Variants in SIRPA observed in about 807,000 individuals in gnomAD.
SIRPA encodes the protein tyrosine-protein phosphatase non-receptor type substrate 1.
SIRPA carries 9 observed loss-of-function variants against 50.3 expected under a neutral mutation model. The observed-to-expected ratio is 0.18, with a 90% CI of 0.11 to 0.31. SIRPA has a LOEUF of 0.31. Ranked by LOEUF, SIRPA falls within the 10% of genes least tolerant of loss-of-function variation. SIRPA has a pLI of 1.00. For synonymous variants in SIRPA, 265 were observed against 284.1 expected, an observed-to-expected ratio of 0.93 and a Z score of 0.68; for missense variants, 474 against 661.6, an observed-to-expected ratio of 0.72 and a Z score of 3.11.
rs1246841507 is a variant in SIRPA at position 1,895,535 on chromosome 20, C to T, written c.79+9C>T. 1 of 1,441,174 alleles carries T rather than the reference C, an allele frequency of 6.9e-7. No homozygotes were observed. Among genetic ancestry groups the T allele is most frequent in the Non-Finnish European group, 9.1e-7 (1 of 1,098,400 alleles). 89.3% of individuals were successfully genotyped at this position (1,441,174 alleles called of 1,614,324 possible). A position where few individuals can be genotyped will look rare whatever the true frequency, so the allele number is the denominator to read the frequency against. ...GTCCTGCGCCTGGTCAGGTAAGCACCCCCCCGCTCCCCACCGCTGCACTCC... is the reference window on the plus strand; with the variant it reads ...GTCCTGCGCCTGGTCAGGTAAGCACTCCCCCGCTCCCCACCGCTGCACTCC... On this transcript the variant is annotated intron_variant, in intron 1 of 7. Coordinates refer to ENST00000358771, the MANE Select transcript of SIRPA (RefSeq NM_001040023.2).
chr20:1,922,136 C>T (rs1160312331), intron 3 of SIRPA, among the ~76,000 whole-genome samples, 177 bp from the exon 4 acceptor site: 4 of 152,122 alleles, frequency 2.6e-5, no homozygotes, highest in Non-Finnish European at 4.4e-5. Context: ...GTGTGCTGGG[C>T]GTTGTGCTTA....
At chr20:1,911,971 A>C (rs932221400) in intron 1 of SIRPA, among the ~76,000 whole-genome samples, 1 of 151,770 alleles carries the variant, frequency 6.6e-6, no homozygotes, top group Non-Finnish European at 1.5e-5. Context: ...ACCCCTCTCT[A>C]CTGGAAAAAA....
chr20:1,937,263 G>A lies in SIRPA; in HGVS notation c.1267-57G>A. ...CTTGGTATTCAGTTTGAGTGAGTGGGCCAGGGGCTATAGAATGACCTTCTC... is the reference window on the plus strand; with the variant it reads ...CTTGGTATTCAGTTTGAGTGAGTGGACCAGGGGCTATAGAATGACCTTCTC... On this transcript the variant is annotated intron_variant, in intron 7 of 7. Transcript: ENST00000358771. The surrounding 1 kb of genome is among the most constrained non-coding windows in gnomAD (Gnocchi z 8.3). The A allele has an allele frequency of 6.4e-7, 1 of 1,574,088 alleles. No homozygotes were observed. The highest frequency in any genetic ancestry group is 1.2e-5 in the South Asian group (1 of 84,842).
At chr20:1,910,632 G>A (rs1397132695) in intron 1 of SIRPA, among the ~76,000 whole-genome samples, 1 of 152,148 alleles carries the variant, frequency 6.6e-6, no homozygotes, top group Non-Finnish European at 1.5e-5. Context: ...CTGGAGGAGA[G>A]GTTCATTTAA....
At chr20:1,913,372 C>T (rs1985020159) in intron 1 of SIRPA, among the ~76,000 whole-genome samples, 1 of 152,222 alleles carries the variant, frequency 6.6e-6, no homozygotes, top group African/African-American at 2.4e-5. Flanking sequence ...GTCTGTGAGC[C>T]TCTTTCCCTG....
Position 1,924,374 on chromosome 20 carries a change from T to C in SIRPA, c.1088-390T>C, listed in dbSNP as rs1985849336. 6.6e-6 allele frequency among the ~76,000 whole-genome samples: 1 copy of C among 152,222 alleles called. No homozygotes were observed. On this transcript the variant is annotated intron_variant, in intron 4 of 7. Transcript: ENST00000358771. This position sits in a 1 kb window ranked among gnomAD's most constrained non-coding sequence, Gnocchi z 4.5. ...GCTGTGCAGAGCCTGCTGGCCGCACTGCCCTTCTTCCAGCTGCTGATTCAG... is the reference window on the plus strand; with the variant it reads ...GCTGTGCAGAGCCTGCTGGCCGCACCGCCCTTCTTCCAGCTGCTGATTCAG...
intron 3 of SIRPA, 99 bp from the exon 4 acceptor site, chr20:1,922,214 T>C: frequency 6.8e-7 from 1 of 1,467,054 alleles, no homozygotes; most frequent in South Asian, 1.2e-5. Context: ...AGCTCTGTCC[T>C]GGTGATGACC....
intron 1 of SIRPA, among the ~76,000 whole-genome samples, chr20:1,903,251 A>G (rs1473262983): frequency 6.6e-6 from 1 of 152,142 alleles, no homozygotes; most frequent in Admixed American, 6.5e-5. Context: ...AGCACCTAAC[A>G]TGGAGCATGT....
In SIRPA at chr20:1,927,978, C is replaced by A; in HGVS notation, c.1226+79C>A. ...AGCCCCCCAGACTACAAAGCATAAT[C>A]CATGTCCACTGACCTCACCAATGTG... On this transcript the variant is annotated intron_variant, in intron 6 of 7. Transcript: ENST00000358771. This position sits in a 1 kb window ranked among gnomAD's most constrained non-coding sequence, Gnocchi z 6.5. 8.2e-7 allele frequency: 1 copy of A among 1,217,598 alleles called. No individual in the cohort carries two copies. The highest frequency in any genetic ancestry group is 1.2e-6 in the Non-Finnish European group (1 of 818,114). The allele number at this position is 1,217,598 out of a possible 1,614,324, so 75.4% of individuals were successfully genotyped here. A position where few individuals can be genotyped will look rare whatever the true frequency, so the allele number is the denominator to read the frequency against.
intron 1 of SIRPA, among the ~76,000 whole-genome samples, chr20:1,911,838 G>C (rs1413218844): frequency 1.3e-5 from 2 of 151,806 alleles, no homozygotes; most frequent in Non-Finnish European, 2.9e-5. Flanking sequence ...GCAAGAGAAA[G>C]CAGGAAATAA....
rs1241286702 is a variant in SIRPA, at chr20:1,927,457, C to T, written c.1202-418C>T. On this transcript the variant is annotated intron_variant, in intron 5 of 7. Transcript: ENST00000358771. The surrounding 1 kb of genome is among the most constrained non-coding windows in gnomAD (Gnocchi z 6.5). The stretch of plus-strand genomic sequence containing the variant: ...CATGGTGAGTGAGTGGGTAGCAGAC[C>T]CGGGGTTCACACATGATCCCCGATT... Among the ~76,000 whole-genome samples, 1 of 152,062 alleles carries T rather than the reference C, an allele frequency of 6.6e-6. No homozygotes were observed. The highest frequency in any genetic ancestry group is 1.9e-4 in the East Asian group (1 of 5,190).
chr20:1,910,359 C>A (rs1053151276), intron 1 of SIRPA, among the ~76,000 whole-genome samples: 2 of 152,020 alleles, frequency 1.3e-5, no homozygotes, highest in African/African-American at 4.8e-5. Context: ...TAACTTTTTT[C>A]CAAAACCAAT....
intron 7 of SIRPA, among the ~76,000 whole-genome samples, chr20:1,935,204 G>T (rs1986509942): frequency 6.6e-6 from 1 of 152,200 alleles, no homozygotes. Context: ...TTTGCTGATG[G>T]AAAGACCCCA....
intron 5 of SIRPA, among the ~76,000 whole-genome samples, chr20:1,925,179 C>A (rs1985907395): frequency 6.6e-6 from 1 of 152,218 alleles, no homozygotes; most frequent in Non-Finnish European, 1.5e-5. Flanking sequence ...CTCTTCTTAC[C>A]TGTCTCAGGG....
At chr20:1,920,980 G>A (rs892145601) in intron 2 of SIRPA, among the ~76,000 whole-genome samples, 2 of 152,224 alleles carry the variant, frequency 1.3e-5, no homozygotes, top group African/African-American at 2.4e-5. Flanking sequence ...GTGATGCCAC[G>A]TTGCTGCTTA....
In SIRPA at chr20:1,921,465, C is replaced by G. The variant is rs1344907668; in HGVS notation, c.507C>G (p.Thr169=). The stretch of plus-strand genomic sequence containing the variant: ...CACCTCAGCACACAGTGAGCTTCAC[C>G]TGCGAGTCCCACGGCTTCTCACCCA... ...RATPQHTVSF[T]CESHGFSPRD... is the part of the protein sequence containing the mutation. Residue 169 remains threonine, a synonymous_variant, in exon 3 of 8, where the codon ACC becomes ACG. Transcript: ENST00000358771. 6.2e-7 allele frequency: 1 copy of G among 1,613,828 alleles called. No homozygotes were observed. Among genetic ancestry groups the G allele is most frequent in the Non-Finnish European group, 8.5e-7 (1 of 1,179,874 alleles).
At position 1,896,358 on chromosome 20, in the gene SIRPA, G is replaced by C. The variant is rs554015199; in HGVS notation, c.79+832G>C. 5.9e-5 allele frequency among the ~76,000 whole-genome samples: 9 copies of C among 151,666 alleles called. No homozygotes were observed. In the South Asian group the frequency reaches 1.9e-3, roughly 32 times the overall value. On this transcript the variant is annotated intron_variant, in intron 1 of 7. Coordinates refer to ENST00000358771, the MANE Select transcript of SIRPA (RefSeq NM_001040023.2). ...CGGCAGGCGGGCTCTGAAGGCTACTGTGCATGTTCACCAAAGGGTGAGGTC... is the reference window on the plus strand; with the variant it reads ...CGGCAGGCGGGCTCTGAAGGCTACTCTGCATGTTCACCAAAGGGTGAGGTC...
In SIRPA at chr20:1,910,795, G is replaced by A. The variant is rs190672050; in HGVS notation, c.80-4304G>A. On this transcript the variant is annotated intron_variant, in intron 1 of 7. Coordinates refer to ENST00000358771, the MANE Select transcript of SIRPA (RefSeq NM_001040023.2). ...GGAAAAAAAGAGAAAAACCTCATGA[G>A]GTTTAGATTCATGATCCAAAGAGAG... 8.0e-3 allele frequency among the ~76,000 whole-genome samples: 1,211 copies of A among 152,288 alleles called. 9 individuals carry two copies. Among genetic ancestry groups the A allele is most frequent in the Non-Finnish European group, 0.012 (813 of 68,014 alleles).
intron 1 of SIRPA, among the ~76,000 whole-genome samples, chr20:1,903,345 T>G (rs1310377080): frequency 6.6e-6 from 1 of 152,206 alleles, no homozygotes; most frequent in Non-Finnish European, 1.5e-5. Context: ...GTTAATCCAT[T>G]GGACAGATGA....
Sources: allele counts gnomAD v4.1 joint callset (sites outside exome capture counted in the v4.1 genomes callset), GRCh38; gene constraint gnomAD v4.1.1; non-coding constraint Gnocchi (gnomAD v3.1); transcripts MANE v1.5; gene names NCBI Gene and HGNC (gene_info 2026-07-23, HGNC 2026-07-21).